The following DISP1 variants were observed in gnomAD, a reference collection of about 807,000 sequenced individuals.
The protein encoded by DISP1 is dispatched RND transporter family member 1, also known as protein dispatched homolog 1.
A neutral mutation model predicts 37.3 loss-of-function variants in DISP1; 30 were observed. The ratio of observed to expected loss-of-function variants is 0.80; its 90% CI spans 0.60 to 1.09. The LOEUF (loss-of-function observed/expected upper bound fraction) is 1.09, where lower values mean the gene tolerates loss of function less well. DISP1 is among the 50% of genes least tolerant of loss of function. The pLI, the probability that DISP1 is intolerant of heterozygous loss-of-function variation, is 0.00. For synonymous variants in DISP1, 634 were observed against 690.2 expected, an observed-to-expected ratio of 0.92 and a Z score of 1.28; for missense variants, 1,598 against 1,879.5, an observed-to-expected ratio of 0.85 and a Z score of 2.77.
intron 1 of DISP1, chr1:222,872,156 AG>A (rs1669628089): frequency 6.6e-6 from 1 of 152,196 alleles, no homozygotes; most frequent in South Asian, 2.1e-4. Context: ...GTGGTGGATA[AG>A]CTTTTTGATG....
chr1:222,963,623 G>A (rs185963874), intron 3 of DISP1, among the ~76,000 whole-genome samples: 16 of 152,296 alleles, frequency 1.1e-4, no homozygotes, highest in Non-Finnish European at 1.9e-4. Context: ...CAGAGACATG[G>A]ATGGAGGTGG....
chr1:222,872,736 C>T (rs1216024176), intron 1 of DISP1, among the ~76,000 whole-genome samples: 1 of 152,170 alleles, frequency 6.6e-6, no homozygotes, highest in African/African-American at 2.4e-5. Context: ...CTCCTGGATT[C>T]ACTGATTTTT....
intron 4 of DISP1, among the ~76,000 whole-genome samples, chr1:222,989,894 C>T (rs190684640): frequency 1.3e-3 from 192 of 152,202 alleles, no homozygotes; most frequent in Middle Eastern, 0.01. Flanking sequence ...CCTCCACCTC[C>T]CGGGTCCAAG....
chr1:222,930,782 C>T (rs1206860567), intron 2 of DISP1, among the ~76,000 whole-genome samples: 1 of 152,038 alleles, frequency 6.6e-6, no homozygotes, highest in East Asian at 1.9e-4. Context: ...ATAAAAGTTG[C>T]ACCCAGGCCC....
At chr1:222,978,266 T>A (rs1279739990) in intron 3 of DISP1, among the ~76,000 whole-genome samples, 2 of 152,210 alleles carry the variant, frequency 1.3e-5, no homozygotes, top group African/African-American at 4.8e-5. Context: ...ATTTCTCTGA[T>A]GGCCAGTGAT....
intron 3 of DISP1, among the ~76,000 whole-genome samples, chr1:222,981,629 A>G (rs1050906913): frequency 2.0e-5 from 3 of 152,198 alleles, no homozygotes; most frequent in South Asian, 2.1e-4. Flanking sequence ...GGGTACATGT[A>G]TCTGAGGGAG....
chr1:222,950,611 A>T (rs1386608012), intron 3 of DISP1, among the ~76,000 whole-genome samples: 1 of 151,956 alleles, frequency 6.6e-6, no homozygotes, highest in African/African-American at 2.4e-5. Context: ...AAAAAAAAAA[A>T]CCCATGTGAG....
At chr1:222,993,491 T>C (rs1393332162) in intron 7 of DISP1, among the ~76,000 whole-genome samples, 1 of 152,212 alleles carries the variant, frequency 6.6e-6, no homozygotes, top group African/African-American at 2.4e-5. Context: ...GATGACCTGA[T>C]TGGATCTTTG....
intron 8 of DISP1, among the ~76,000 whole-genome samples, chr1:222,998,116 C>T (rs939654186): frequency 6.6e-6 from 1 of 151,648 alleles, no homozygotes; most frequent in Non-Finnish European, 1.5e-5. Context: ...GTTAACAGTT[C>T]GACTTTCAGA....
chr1:222,890,507 G>T (rs1476151836), intron 1 of DISP1, among the ~76,000 whole-genome samples: 2 of 152,110 alleles, frequency 1.3e-5, no homozygotes, highest in Admixed American at 6.6e-5. Flanking sequence ...GAAAAGCAAT[G>T]AGTGTTTATG....
rs531860125 is a variant in DISP1 at position 222,938,128 on chromosome 1, C to G, written c.-17-4679C>G. On this transcript the variant is annotated intron_variant, in intron 2 of 8. Transcript: ENST00000675850. ...GCCCTAGCAGTCTTCCTGCCTCAGC[C>G]TCCCAAAGTGCTGGGATTACAGGCA... is the stretch of plus-strand genomic sequence containing the variant. Among the ~76,000 whole-genome samples, 63 of 152,240 alleles carry G rather than the reference C, an allele frequency of 4.1e-4. No homozygotes were observed. In the South Asian group the frequency reaches 0.013, roughly 31 times the overall value.
At chr1:222,984,435 T>TATAGAGAGAGAGAGAGAGAG in intron 4 of DISP1, among the ~76,000 whole-genome samples, 1 of 108,372 alleles carries the variant, frequency 9.2e-6, no homozygotes, top group South Asian at 3.2e-4. Flanking sequence ...TATATATATA[T>TATAGAGAGAGAGAGAGAGAG]AGAGAGAGAG....
At chr1:222,989,895 C>T (rs770149683) in intron 4 of DISP1, among the ~76,000 whole-genome samples, 6 of 151,926 alleles carry the variant, frequency 3.9e-5, no homozygotes, top group Admixed American at 1.3e-4. Context: ...CTCCACCTCC[C>T]GGGTCCAAGT....
chr1:222,919,341 G>C (rs557004984), intron 1 of DISP1, among the ~76,000 whole-genome samples: 2 of 150,192 alleles, frequency 1.3e-5, no homozygotes, highest in South Asian at 4.2e-4. Context: ...GTCACGCCCC[G>C]AGCGCAGTGT....
chr1:222,923,307 T>C (rs1672909818), intron 1 of DISP1, among the ~76,000 whole-genome samples: 1 of 152,146 alleles, frequency 6.6e-6, no homozygotes, highest in African/African-American at 2.4e-5. Context: ...CACTGCCCAA[T>C]TCAGAAGCCG....
At chr1:222,851,936 G>A (rs968719087) in intron 1 of DISP1, among the ~76,000 whole-genome samples, 1 of 152,116 alleles carries the variant, frequency 6.6e-6, no homozygotes, top group Non-Finnish European at 1.5e-5. Flanking sequence ...TGTAATCCCA[G>A]TACTTTGGGA....
intron 1 of DISP1, among the ~76,000 whole-genome samples, chr1:222,915,274 A>G (rs1029796309): frequency 6.6e-6 from 1 of 152,174 alleles, no homozygotes; most frequent in Non-Finnish European, 1.5e-5. Context: ...ATTTGTTCCT[A>G]TATAGGGGAT....
At chr1:222,979,636 C>CT (rs1402199334) in intron 3 of DISP1, 1 of 470,884 alleles carries the variant, frequency 2.1e-6, no homozygotes, top group Non-Finnish European at 4.4e-6. Flanking sequence ...ACCAGAAAAA[C>CT]TAAGTGTGCT....
At chr1:222,831,254 A>T (rs1009718449) in intron 1 of DISP1, among the ~76,000 whole-genome samples, 2 of 152,224 alleles carry the variant, frequency 1.3e-5, no homozygotes, top group Non-Finnish European at 2.9e-5. Flanking sequence ...ACCCCATTTT[A>T]AGTATTGCAT....
Sources: gnomAD v4.1 joint callset for allele counts (sites outside exome capture counted in the v4.1 genomes callset) on GRCh38, gnomAD v4.1.1 for gene constraint, MANE v1.5 for transcripts, NCBI Gene and HGNC (gene_info 2026-07-23, HGNC 2026-07-21) for gene names.